SNTG2: variants seen among roughly 807,000 people sequenced by gnomAD.
SNTG2 encodes syntrophin gamma 2.
Under a neutral mutation model 70.9 loss-of-function variants are expected in SNTG2, and 74 were observed. The ratio of observed to expected loss-of-function variants is 1.04; its 90% CI spans 0.86 to 1.27. The LOEUF is 1.27. SNTG2 is among the 50% of genes most tolerant of loss of function. SNTG2 has a pLI of 0.00. For synonymous variants in SNTG2, 278 were observed against 273.8 expected, an observed-to-expected ratio of 1.02 and a Z score of -0.15; for missense variants, 717 against 690.7, an observed-to-expected ratio of 1.04 and a Z score of -0.43.
At chr2:1,008,774 A>C (rs1030847135) in intron 1 of SNTG2, among the ~76,000 whole-genome samples, 4 of 152,226 alleles carry the variant, frequency 2.6e-5, no homozygotes, top group African/African-American at 9.6e-5. Context: ...TTGCTTTTCC[A>C]TAAAAATAAA....
At chr2:1,022,323 C>T (rs1318897330) in intron 1 of SNTG2, among the ~76,000 whole-genome samples, 2 of 151,894 alleles carry the variant, frequency 1.3e-5, no homozygotes, top group Admixed American at 6.6e-5. Flanking sequence ...CTTGCGCTCA[C>T]GTGAACCACC....
intron 1 of SNTG2, among the ~76,000 whole-genome samples, chr2:986,021 A>C (rs531025163): frequency 8.8e-5 from 13 of 147,782 alleles, no homozygotes; most frequent in African/African-American, 3.0e-4. Context: ...TATTTTATTT[A>C]TTTCTTTTTA....
intron 1 of SNTG2, among the ~76,000 whole-genome samples, chr2:1,082,115 C>T (rs887457201): frequency 3.9e-5 from 6 of 152,116 alleles, no homozygotes; most frequent in African/African-American, 7.2e-5. Flanking sequence ...TGGCAGCTTC[C>T]CTCGGCGATG....
chr2:974,642 G>A (rs1036869126), intron 1 of SNTG2, among the ~76,000 whole-genome samples: 4 of 152,208 alleles, frequency 2.6e-5, no homozygotes, highest in Admixed American at 6.5e-5. Context: ...ATCAGCTGAA[G>A]TTTCTAAAAT....
chr2:1,351,747 C>G (rs956527500), intron 16 of SNTG2, among the ~76,000 whole-genome samples: 15 of 152,324 alleles, frequency 9.8e-5, no homozygotes, highest in East Asian at 9.7e-4. Context: ...ACCATTGAAG[C>G]CTTCATCCCA....
At chr2:1,354,055 G>A (rs987394373) in intron 16 of SNTG2, among the ~76,000 whole-genome samples, 4 of 152,162 alleles carry the variant, frequency 2.6e-5, no homozygotes, top group Non-Finnish European at 5.9e-5. Context: ...AAAAATTCAG[G>A]GTGTTAAAGC....
At chr2:982,772 C>T (rs1661152281) in intron 1 of SNTG2, among the ~76,000 whole-genome samples, 1 of 152,196 alleles carries the variant, frequency 6.6e-6, no homozygotes, top group Admixed American at 6.5e-5. Context: ...GACCGTGGCC[C>T]TCATTCAACA....
At chr2:1,314,316 C>T (rs1021117170) in intron 15 of SNTG2, among the ~76,000 whole-genome samples, 1 of 152,200 alleles carries the variant, frequency 6.6e-6, no homozygotes, top group Admixed American at 6.5e-5. Context: ...ATCACAGGTC[C>T]CTCCTACAAA....
At chr2:1,020,244 C>A (rs959195988) in intron 1 of SNTG2, among the ~76,000 whole-genome samples, 2 of 152,218 alleles carry the variant, frequency 1.3e-5, no homozygotes, top group Non-Finnish European at 2.9e-5. Context: ...GTGGAGGACT[C>A]CAGGGCAATG....
chr2:1,269,603 A>G (rs1459892439), intron 14 of SNTG2, among the ~76,000 whole-genome samples: 1 of 152,090 alleles, frequency 6.6e-6, no homozygotes, highest in Non-Finnish European at 1.5e-5. Context: ...TCCTAGAGGA[A>G]GTGGTTAGTC....
At chr2:1,127,326 T>C (rs748251768) in intron 4 of SNTG2, among the ~76,000 whole-genome samples, 1 of 152,174 alleles carries the variant, frequency 6.6e-6, no homozygotes, top group Non-Finnish European at 1.5e-5. Flanking sequence ...GCTGTATCTA[T>C]TTTTTGCCTG....
At chr2:1,032,787 A>G (rs1234436300) in intron 1 of SNTG2, among the ~76,000 whole-genome samples, 3 of 149,506 alleles carry the variant, frequency 2.0e-5, no homozygotes, top group East Asian at 2.0e-4. Flanking sequence ...ATTGGTAGAT[A>G]CATCAAGGGT....
intron 1 of SNTG2, among the ~76,000 whole-genome samples, chr2:953,312 T>C (rs564139116): frequency 6.6e-6 from 1 of 152,354 alleles, no homozygotes; most frequent in African/African-American, 2.4e-5. Flanking sequence ...AAGACTACTA[T>C]TGGTTGATGT....
At chr2:1,245,289 AAAG>A (rs1268180135) in intron 11 of SNTG2, among the ~76,000 whole-genome samples, 2 of 152,112 alleles carry the variant, frequency 1.3e-5, no homozygotes, top group African/African-American at 4.8e-5. Context: ...AGGAAAAAAA[AAAG>A]AAATAAGTCC....
chr2:1,072,349 CT>C (rs201149926), intron 1 of SNTG2, among the ~76,000 whole-genome samples: 86 of 61,404 alleles, frequency 1.4e-3, no homozygotes, highest in South Asian at 6.0e-3. Flanking sequence ...TTTTCTTTTT[CT>C]TTTTTTTTTT....
intron 6 of SNTG2, among the ~76,000 whole-genome samples, chr2:1,144,791 G>A (rs139822948): frequency 0.015 from 2,299 of 152,214 alleles, 16 homozygotes; most frequent in Non-Finnish European, 0.024. Context: ...GGTCCCTCCC[G>A]TAACACATGG....
chr2:964,243 T>C (rs1190597562), intron 1 of SNTG2, among the ~76,000 whole-genome samples: 1 of 152,204 alleles, frequency 6.6e-6, no homozygotes, highest in Non-Finnish European at 1.5e-5. Context: ...AGAAGGAGTC[T>C]TCTTATAGTT....
chr2:1,170,039 T>G (rs1160204207), intron 7 of SNTG2, among the ~76,000 whole-genome samples: 1 of 152,204 alleles, frequency 6.6e-6, no homozygotes, highest in African/African-American at 2.4e-5. Flanking sequence ...CTTCACTTTC[T>G]GACTGCATGA....
intron 4 of SNTG2, among the ~76,000 whole-genome samples, chr2:1,127,814 G>A (rs1481537941): frequency 1.3e-5 from 2 of 152,126 alleles, no homozygotes; most frequent in African/African-American, 4.8e-5. Context: ...TTTGTATTCT[G>A]TAACTTTACT....
Sources: gnomAD v4.1 joint callset for allele counts (sites outside exome capture counted in the v4.1 genomes callset) on GRCh38, gnomAD v4.1.1 for gene constraint, MANE v1.5 for transcripts, NCBI Gene and HGNC (gene_info 2026-07-23, HGNC 2026-07-21) for gene names.